GRB10: variants seen among roughly 807,000 people sequenced by gnomAD.
GRB10 encodes growth factor receptor bound protein 10.
Under a neutral mutation model 80.9 loss-of-function variants are expected in GRB10, and 20 were observed. That is an observed-to-expected ratio of 0.25 (90% CI 0.17 to 0.36). GRB10 has a LOEUF of 0.36. GRB10 is among the 10% of genes least tolerant of loss of function. The pLI, the probability that GRB10 is intolerant of heterozygous loss-of-function variation, is 1.00. For synonymous variants in GRB10, 291 were observed against 291.5 expected, an observed-to-expected ratio of 1.00 and a Z score of 0.02; for missense variants, 548 against 747.7, an observed-to-expected ratio of 0.73 and a Z score of 3.12.
chr7:50,658,934 G>A (rs566326635), intron 7 of GRB10, among the ~76,000 whole-genome samples: 30 of 152,310 alleles, frequency 2.0e-4, no homozygotes, highest in Middle Eastern at 3.4e-3. Context: ...CAGGGGCTGC[G>A]GTCCCTAGAG....
intron 4 of GRB10, among the ~76,000 whole-genome samples, chr7:50,720,572 C>A (rs180800844): frequency 6.6e-6 from 1 of 152,164 alleles, no homozygotes; most frequent in East Asian, 1.9e-4. Context: ...CACTTAAAAC[C>A]CCAAGGAAAA....
At chr7:50,626,311 C>T (rs1452444131) in intron 8 of GRB10, among the ~76,000 whole-genome samples, 1 of 152,218 alleles carries the variant, frequency 6.6e-6, no homozygotes, top group Non-Finnish European at 1.5e-5. Flanking sequence ...TAAGACTCAA[C>T]TCAAACTTAC....
At chr7:50,742,937 G>A (rs754369422) in intron 3 of GRB10, among the ~76,000 whole-genome samples, 35 of 152,270 alleles carry the variant, frequency 2.3e-4, no homozygotes, top group Middle Eastern at 3.4e-3. Flanking sequence ...ACTGCTTGAA[G>A]TAAAAACTAT....
chr7:50,593,677 T>A (rs2046130854), intron 18 of GRB10, among the ~76,000 whole-genome samples: 1 of 152,208 alleles, frequency 6.6e-6, no homozygotes, highest in Non-Finnish European at 1.5e-5. Flanking sequence ...GAGAATCATA[T>A]TCCTAACACC....
intron 13 of GRB10, among the ~76,000 whole-genome samples, chr7:50,609,254 G>C (rs552242910): frequency 6.6e-6 from 1 of 152,032 alleles, no homozygotes; most frequent in Non-Finnish European, 1.5e-5. Context: ...GATTATAAGA[G>C]ATATTCCTTA....
rs181657100 is a variant in GRB10 at position 50,738,283 on chromosome 7, C to T, written c.-46-5915G>A. Among the ~76,000 whole-genome samples, 12 of 152,290 alleles carry T rather than the reference C, an allele frequency of 7.9e-5. No homozygotes were observed. The East Asian group carries it at 2.3e-3, about 29-fold the overall frequency. On this transcript the variant is annotated intron_variant, in intron 3 of 18. Coordinates refer to ENST00000401949, the MANE Select transcript of GRB10 (RefSeq NM_001350814.2). ...ATATAATAGCAACTCCACTTCTAAG[C>T]ATATAATACAAACTAATCAAAAGCA...
At chr7:50,754,426 G>A (rs2074709360) in intron 3 of GRB10, among the ~76,000 whole-genome samples, 1 of 152,216 alleles carries the variant, frequency 6.6e-6, no homozygotes, top group Non-Finnish European at 1.5e-5. Flanking sequence ...GCAAGGCAGT[G>A]GCAGGTGGGG....
At chr7:50,777,429 T>TATACACATACAC (rs1554316306) in intron 2 of GRB10, among the ~76,000 whole-genome samples, 20 of 146,272 alleles carry the variant, frequency 1.4e-4, no homozygotes, top group African/African-American at 5.1e-4. Flanking sequence ...GCAATCTGTA[T>TATACACATACAC]ACACACACAC....
intron 7 of GRB10, among the ~76,000 whole-genome samples, chr7:50,661,684 C>T (rs796751162): frequency 3.3e-5 from 5 of 152,364 alleles, no homozygotes; most frequent in African/African-American, 1.2e-4. Flanking sequence ...GCTTCTTCAA[C>T]ATGTGAATCT....
chr7:50,643,936 A>G (rs1369203693), intron 7 of GRB10, among the ~76,000 whole-genome samples: 1 of 152,236 alleles, frequency 6.6e-6, no homozygotes, highest in Non-Finnish European at 1.5e-5. Context: ...TCAAAATAAA[A>G]GTTTAAAGAA....
chr7:50,710,930 T>G (rs997935924), intron 4 of GRB10: 2 of 1,611,386 alleles, frequency 1.2e-6, no homozygotes, highest in South Asian at 1.1e-5. Flanking sequence ...TCTCCCTCTC[T>G]CTACAGTGGG....
At chr7:50,659,433 G>GA (rs997292547) in intron 7 of GRB10, among the ~76,000 whole-genome samples, 7 of 152,194 alleles carry the variant, frequency 4.6e-5, no homozygotes, top group African/African-American at 9.6e-5. Context: ...GCCCCCCTTT[G>GA]AAAAAAACAT....
intron 2 of GRB10, among the ~76,000 whole-genome samples, chr7:50,763,265 A>G (rs2075964539): frequency 2.0e-5 from 3 of 152,260 alleles, no homozygotes; most frequent in African/African-American, 7.2e-5. Flanking sequence ...ACAATTTGCA[A>G]AACAGACATG....
chr7:50,712,826 T>C (rs1486311309), intron 4 of GRB10, among the ~76,000 whole-genome samples: 2 of 152,252 alleles, frequency 1.3e-5, no homozygotes, highest in Non-Finnish European at 2.9e-5. Context: ...AACAGCTCTA[T>C]TGAGATATAA....
chr7:50,728,833 A>G (rs1292568745), intron 4 of GRB10, among the ~76,000 whole-genome samples: 2 of 152,008 alleles, frequency 1.3e-5, no homozygotes, highest in Non-Finnish European at 2.9e-5. Context: ...ACCACGCCTG[A>G]CTAATTTTTG....
At chr7:50,732,195 G>T (rs1199928502) in intron 4 of GRB10, 77 bp downstream of exon 4, 4 of 1,443,834 alleles carry the variant, frequency 2.8e-6, no homozygotes, top group Non-Finnish European at 3.9e-6. Context: ...AACGATCCAT[G>T]GCTGCTGGCG....
intron 2 of GRB10, among the ~76,000 whole-genome samples, chr7:50,767,216 G>T (rs999296964): frequency 6.6e-6 from 1 of 152,190 alleles, no homozygotes; most frequent in Admixed American, 6.5e-5. Context: ...GTCCAAGGCA[G>T]GAATACCAGA....
At chr7:50,703,545 A>C (rs761629581) in intron 5 of GRB10, among the ~76,000 whole-genome samples, 3 of 150,888 alleles carry the variant, frequency 2.0e-5, no homozygotes, top group Non-Finnish European at 4.4e-5. Context: ...TCAATAGGTG[A>C]CATCAAGTTG....
intron 12 of GRB10, among the ~76,000 whole-genome samples, chr7:50,613,861 C>A (rs959328237): frequency 6.6e-6 from 1 of 152,162 alleles, no homozygotes; most frequent in Non-Finnish European, 1.5e-5. Context: ...AGGGGCTCCC[C>A]GTATTGTGTG....
Sources: allele counts gnomAD v4.1 joint callset (sites outside exome capture counted in the v4.1 genomes callset), GRCh38; gene constraint gnomAD v4.1.1; transcripts MANE v1.5; gene names NCBI Gene and HGNC (gene_info 2026-07-23, HGNC 2026-07-21).